SLC39A14: variants seen among roughly 807,000 people sequenced by gnomAD.
The protein encoded by SLC39A14 is solute carrier family 39 member 14, also known as metal cation symporter ZIP14.
Under a neutral mutation model 45.5 loss-of-function variants are expected in SLC39A14, and 19 were observed. The ratio of observed to expected loss-of-function variants is 0.42; its 90% CI spans 0.29 to 0.61. The LOEUF (loss-of-function observed/expected upper bound fraction) is 0.61, where lower values mean the gene tolerates loss of function less well. Ranked by LOEUF, SLC39A14 falls within the 20% of genes least tolerant of loss-of-function variation. The pLI, the probability that SLC39A14 is intolerant of heterozygous loss-of-function variation, is 0.22. For synonymous variants in SLC39A14, 264 were observed against 251.3 expected (o/e 1.05, Z -0.48); for missense variants, 447 against 616.5 (o/e 0.73, Z 2.91).
chr8:22,369,582 C>G (rs1832822522), intron 1 of SLC39A14, among the ~76,000 whole-genome samples: 1 of 152,160 alleles, frequency 6.6e-6, no homozygotes, highest in Admixed American at 6.5e-5. Flanking sequence ...AACAAGATAG[C>G]AACACAAGAG....
Position 22,414,921 on chromosome 8 carries a change from T to A in SLC39A14, c.750+19T>A, listed in dbSNP as rs1300742744. The A allele has an allele frequency of 6.2e-7, 1 of 1,609,014 alleles. No individual in the cohort carries two copies. The highest frequency in any genetic ancestry group is 8.5e-7 in the Non-Finnish European group (1 of 1,178,932). On this transcript the variant is annotated intron_variant, in intron 5 of 8. Transcript: ENST00000381237. ...AAATGAGGTGAGGCCCAATTGTTGC[T>A]GAAGAAAGCTCTTCTAGGGAAAACA...
At chr8:22,430,016 T>A (rs1836443384) in intron 8 of SLC39A14, among the ~76,000 whole-genome samples, 1 of 152,078 alleles carries the variant, frequency 6.6e-6, no homozygotes, top group Non-Finnish European at 1.5e-5. Flanking sequence ...TTGAGGCCAG[T>A]ATGTGTAAAC....
Position 22,381,479 on chromosome 8 carries a change from A to C in SLC39A14, c.-16+14071A>C, listed in dbSNP as rs1276584556. 3.9e-4 allele frequency among the ~76,000 whole-genome samples: 51 copies of C among 129,398 alleles called. No homozygotes were observed. The Middle Eastern group carries it at 0.023, about 59-fold the overall frequency. The allele number at this position is 129,398 out of a possible 152,430, so 84.9% of individuals were successfully genotyped here. A position where few individuals can be genotyped will look rare whatever the true frequency, so the allele number is the denominator to read the frequency against. On this transcript the variant is annotated intron_variant, in intron 1 of 8. Transcript: ENST00000381237. ...TAGAGATGGGGTTTCACCGAGTTAG[A>C]CAGGATGGTCTCGATCTCCTGACCT...
intron 1 of SLC39A14, among the ~76,000 whole-genome samples, chr8:22,371,337 G>A (rs73541999): frequency 2.7e-5 from 4 of 150,442 alleles, no homozygotes; most frequent in South Asian, 2.1e-4. Context: ...AATGGCCCTC[G>A]TAGGCAGTGC....
At chr8:22,368,520 T>C (rs988117583) in intron 1 of SLC39A14, among the ~76,000 whole-genome samples, 4 of 33,802 alleles carry the variant, frequency 1.2e-4, no homozygotes, top group African/African-American at 9.1e-4. Context: ...TATTTTATTT[T>C]ATTTTATTTT....
At chr8:22,384,202 G>C (rs1322987767) in intron 1 of SLC39A14, among the ~76,000 whole-genome samples, 1 of 152,196 alleles carries the variant, frequency 6.6e-6, no homozygotes, top group Non-Finnish European at 1.5e-5. Context: ...AGCATTTCAG[G>C]ATGTGTGTGA....
chr8:22,433,244 A>G (rs1406113087), intron 8 of SLC39A14, among the ~76,000 whole-genome samples: 3 of 152,028 alleles, frequency 2.0e-5, no homozygotes, highest in Admixed American at 2.0e-4. Context: ...GAGGGTATGA[A>G]TTATGTCAGT....
downstream of SLC39A14, among the ~76,000 whole-genome samples, chr8:22,424,963 A>AG (rs527397240): frequency 1.4e-3 from 185 of 133,646 alleles, 1 homozygote; most frequent in South Asian, 6.5e-3. Flanking sequence ...CGGGAGGCAG[A>AG]GGTTGCAGTG....
At chr8:22,381,241 G>A (rs1475658322) in intron 1 of SLC39A14, among the ~76,000 whole-genome samples, 4 of 151,944 alleles carry the variant, frequency 2.6e-5, no homozygotes, top group Admixed American at 2.0e-4. Context: ...CAACTTGCTG[G>A]GATTACAGGC....
chr8:22,419,775 C>T lies in SLC39A14; in HGVS notation c.*77C>T. The stretch of plus-strand genomic sequence containing the variant: ...CGCCAGCCCGAGGACTTACCATCCA[C>T]AATGCACCACGGAAGAGGCCGTTCT... On this transcript the variant is annotated 3_prime_UTR_variant, in exon 9 of 9. Coordinates refer to ENST00000381237, the MANE Select transcript of SLC39A14 (RefSeq NM_001128431.4). The T allele has an allele frequency of 2.0e-6, 3 of 1,495,636 alleles. No individual in the cohort carries two copies. The highest frequency in any genetic ancestry group is 1.8e-6 in the Non-Finnish European group (2 of 1,124,816). The allele number at this position is 1,495,636 out of a possible 1,614,324, so 92.6% of individuals were successfully genotyped here.
downstream of SLC39A14, among the ~76,000 whole-genome samples, chr8:22,422,952 T>A (rs979498562): frequency 6.6e-6 from 1 of 151,698 alleles, no homozygotes; most frequent in East Asian, 1.9e-4. Context: ...GCCTCCCGAG[T>A]AGCTGGGATT....
chr8:22,426,798 C>T (rs1208795794), downstream of SLC39A14, among the ~76,000 whole-genome samples: 1 of 152,068 alleles, frequency 6.6e-6, no homozygotes, highest in Non-Finnish European at 1.5e-5. Context: ...ATTCTCTTGC[C>T]TCAGCCTCCG....
chr8:22,381,943 C>A (rs1486395131), intron 1 of SLC39A14, among the ~76,000 whole-genome samples: 1 of 152,106 alleles, frequency 6.6e-6, no homozygotes, highest in Non-Finnish European at 1.5e-5. Context: ...GAGTCCGAGA[C>A]CAGCCTGGCC....
chr8:22,396,590 GAGAGAGA>G (rs1834490386), intron 1 of SLC39A14, among the ~76,000 whole-genome samples: 4 of 95,938 alleles, frequency 4.2e-5, no homozygotes, highest in African/African-American at 1.2e-4. Context: ...GAGAGAGAGA[GAGAGAGA>G]GAAGACTAAG....
rs1424461498 is a variant in SLC39A14, at chr8:22,422,300, C to T, written c.*2602C>T. The T allele has an allele frequency of 2.0e-6, 2 of 985,594 alleles. No homozygotes were observed. Among genetic ancestry groups the T allele is most frequent in the Admixed American group, 6.2e-5 (1 of 16,250 alleles). 61.1% of individuals were successfully genotyped at this position (985,594 alleles called of 1,614,324 possible). A position where few individuals can be genotyped will look rare whatever the true frequency, so the allele number is the denominator to read the frequency against. On this transcript the variant is annotated 3_prime_UTR_variant, in exon 9 of 9. Transcript: ENST00000381237. ...GCTCCTTCTCACTTCACCACCGGCACACAGCTTGCCCCTGTCTTTGCCCCC... is the reference window on the plus strand; with the variant it reads ...GCTCCTTCTCACTTCACCACCGGCATACAGCTTGCCCCTGTCTTTGCCCCC...
At chr8:22,385,226 C>T (rs948972435) in intron 1 of SLC39A14, among the ~76,000 whole-genome samples, 11 of 152,072 alleles carry the variant, frequency 7.2e-5, no homozygotes, top group African/African-American at 2.4e-4. Context: ...GTAGTTCACC[C>T]GAGCATAAAG....
Position 22,408,461 on chromosome 8 carries a change from A to C in SLC39A14, c.422A>C (p.Glu141Ala). The change falls in exon 3 of 9, where the codon GAG becomes GCG. Residue 141 changes from glutamate to alanine, a missense_variant. Physicochemically the swap from Glu to Ala is moderately radical, Grantham distance 107. Transcript: ENST00000381237. Reference sequence around the variant, plus strand: ...GAGAACCAGGAAAACGAGGAGAATGAGCAGACGGAGGAGGGGCGGCCAAGC... The same window carrying C: ...GAGAACCAGGAAAACGAGGAGAATGCGCAGACGGAGGAGGGGCGGCCAAGC... ...TSENQENEEN[E>A]QTEEGRPSAV... 6.2e-7 allele frequency: 1 copy of C among 1,614,126 alleles called. No homozygotes were observed.
chr8:22,415,340 G>A, intron 5 of SLC39A14: 1 of 211,724 alleles, frequency 4.7e-6, no homozygotes, highest in African/African-American at 2.4e-5. Context: ...AGTGAGATTA[G>A]CCATTGCAAA....
chr8:22,421,171 A>G lies in SLC39A14; in HGVS notation c.*1473A>G, dbSNP rs1836206616. The G allele has an allele frequency of 1.0e-6, 1 of 985,754 alleles. No individual in the cohort carries two copies. Among genetic ancestry groups the G allele is most frequent in the African/African-American group, 1.7e-5 (1 of 57,238 alleles). 61.1% of individuals were successfully genotyped at this position (985,754 alleles called of 1,614,324 possible). On this transcript the variant is annotated 3_prime_UTR_variant, in exon 9 of 9. Coordinates refer to ENST00000381237, the MANE Select transcript of SLC39A14 (RefSeq NM_001128431.4). ...TTAGTGGTGCCCACAGTTGGAGCCCAGGGGCCATGTTTGCAAACTGATTCA... is the reference window on the plus strand; with the variant it reads ...TTAGTGGTGCCCACAGTTGGAGCCCGGGGGCCATGTTTGCAAACTGATTCA...
Sources: allele counts gnomAD v4.1 joint callset (sites outside exome capture counted in the v4.1 genomes callset), GRCh38; gene constraint gnomAD v4.1.1; transcripts MANE v1.5; gene names NCBI Gene and HGNC (gene_info 2026-07-23, HGNC 2026-07-21).